The following TTC17 variants were observed in gnomAD, a reference collection of about 807,000 sequenced individuals.
TTC17 encodes tetratricopeptide repeat protein 17.
Under a neutral mutation model 143.8 loss-of-function variants are expected in TTC17, and 58 were observed. The ratio of observed to expected loss-of-function variants is 0.40; its 90% CI spans 0.33 to 0.50. TTC17 has a LOEUF of 0.50. TTC17 is among the 20% of genes least tolerant of loss of function. The pLI, the probability that TTC17 is intolerant of heterozygous loss-of-function variation, is 0.49. For missense variants in TTC17, 1,273 were observed against 1,392.5 expected (o/e 0.91, Z 1.37); for synonymous variants, 501 against 497.8 (o/e 1.01, Z -0.09).
chr11:43,447,884 C>T (rs1947578670), intron 18 of TTC17, 118 bp from the exon 19 acceptor site: 1 of 1,276,670 alleles, frequency 7.8e-7, no homozygotes, highest in South Asian at 1.5e-5. Context: ...TTAAAGACTA[C>T]AGGAATGACT....
intron 21 of TTC17, chr11:43,466,486 C>T (rs17594798): frequency 0.036 from 6,114 of 171,586 alleles, 400 homozygotes; most frequent in Admixed American, 0.18. Context: ...TTTCCAAAGA[C>T]AGGAGAAAAC....
intron 1 of TTC17, among the ~76,000 whole-genome samples, chr11:43,375,794 A>C (rs1377752870): frequency 6.6e-6 from 1 of 152,236 alleles, no homozygotes; most frequent in Non-Finnish European, 1.5e-5. Context: ...GTAGGACATC[A>C]AAAATGTTTA....
Position 43,488,042 on chromosome 11 carries a change from T to C in TTC17, c.3031-2197T>C, listed in dbSNP as rs557465626. 4.6e-4 allele frequency among the ~76,000 whole-genome samples: 70 copies of C among 152,338 alleles called. 1 individual carries two copies. Among genetic ancestry groups the C allele is most frequent in the South Asian group, 2.1e-4 (1 of 4,828 alleles). On this transcript the variant is annotated intron_variant, in intron 21 of 23. Coordinates refer to ENST00000039989, the MANE Select transcript of TTC17 (RefSeq NM_018259.6). ...TACAGGGGATTGGGACTTAAAAATA[T>C]GAATTTTGGGGGAACATAGTTCAAC...
chr11:43,427,689 T>G (rs928713419), intron 16 of TTC17, among the ~76,000 whole-genome samples: 2 of 152,162 alleles, frequency 1.3e-5, no homozygotes, highest in East Asian at 3.8e-4. Context: ...ATCAGACAAT[T>G]TAACTGTGCC....
At chr11:43,461,292 G>C (rs770592457) in intron 21 of TTC17, among the ~76,000 whole-genome samples, 23 of 150,384 alleles carry the variant, frequency 1.5e-4, no homozygotes, top group Middle Eastern at 3.4e-3. Context: ...GCTGAGGCAG[G>C]AGAATGGCGT....
intron 21 of TTC17, among the ~76,000 whole-genome samples, chr11:43,485,886 T>C (rs538603704): frequency 8.2e-6 from 1 of 121,384 alleles, no homozygotes; most frequent in Non-Finnish European, 2.0e-5. Flanking sequence ...GTTTTTTGTT[T>C]TTTTTTTTTT....
intron 8 of TTC17, 87 bp from the exon 9 acceptor site, chr11:43,399,801 A>G: frequency 7.2e-7 from 1 of 1,382,570 alleles, no homozygotes; most frequent in Non-Finnish European, 9.8e-7. Flanking sequence ...ATTGTTGCTG[A>G]GAACCAGAAA....
intron 16 of TTC17, among the ~76,000 whole-genome samples, chr11:43,434,074 A>G (rs1445587187): frequency 1.3e-5 from 2 of 152,062 alleles, no homozygotes; most frequent in African/African-American, 4.8e-5. Flanking sequence ...GTGGAGGCAA[A>G]TTAACAACCT....
chr11:43,448,190 AT>A, intron 19 of TTC17, 68 bp downstream of exon 19: 1 of 1,588,462 alleles, frequency 6.3e-7, no homozygotes, highest in Non-Finnish European at 8.6e-7. Context: ...GACTTTAAGG[AT>A]CCCCTCTTAG....
chr11:43,422,760 C>G (rs1946936611), intron 16 of TTC17, among the ~76,000 whole-genome samples: 1 of 151,992 alleles, frequency 6.6e-6, no homozygotes, highest in Admixed American at 6.6e-5. Context: ...TGTTGGTAAT[C>G]TTGTAAAAGC....
chr11:43,481,445 G>T (rs11606175), intron 21 of TTC17, among the ~76,000 whole-genome samples: 14,073 of 152,156 alleles, frequency 0.092, 802 homozygotes, highest in Middle Eastern at 0.16. Context: ...TTAGTTTTCT[G>T]AAAAAGTCTG....
chr11:43,398,633 C>T (rs1347790238), intron 8 of TTC17, among the ~76,000 whole-genome samples: 3 of 152,072 alleles, frequency 2.0e-5, no homozygotes, highest in Admixed American at 1.3e-4. Flanking sequence ...TTAGGTTGTA[C>T]AGTAATGGAA....
At chr11:43,386,169 CAA>C (rs768438986) in intron 2 of TTC17, among the ~76,000 whole-genome samples, 1 of 109,890 alleles carries the variant, frequency 9.1e-6, no homozygotes. Flanking sequence ...TTTCAATGTA[CAA>C]AAAAAAAAAA....
intron 16 of TTC17, among the ~76,000 whole-genome samples, chr11:43,438,597 C>T (rs892415048): frequency 3.9e-5 from 6 of 152,170 alleles, no homozygotes; most frequent in African/African-American, 1.4e-4. Context: ...ATCTTAAGTA[C>T]TCTGGCACCC....
chr11:43,391,758 C>A (rs574873516), intron 4 of TTC17, 63 bp from the exon 5 acceptor site: 2 of 1,570,492 alleles, frequency 1.3e-6, no homozygotes, highest in African/African-American at 2.8e-5. Context: ...CTACAAGATA[C>A]TGAATTATTT....
At chr11:43,469,501 T>C (rs1319125786) in intron 21 of TTC17, among the ~76,000 whole-genome samples, 4 of 152,226 alleles carry the variant, frequency 2.6e-5, no homozygotes, top group Non-Finnish European at 5.9e-5. Context: ...TAAACAGTGG[T>C]CTATTGAGAT....
At chr11:43,385,476 G>T (rs1039311057) in intron 2 of TTC17, 7 of 152,030 alleles carry the variant, frequency 4.6e-5, no homozygotes, top group African/African-American at 1.7e-4. Flanking sequence ...ATCACCCATG[G>T]TTTAAAGAGA....
intron 2 of TTC17, among the ~76,000 whole-genome samples, chr11:43,386,719 G>C (rs182528096): frequency 2.5e-3 from 379 of 152,298 alleles, no homozygotes; most frequent in Non-Finnish European, 4.1e-3. Flanking sequence ...CATAGAGGAT[G>C]AGTTTATAGA....
chr11:43,370,005 A>G (rs760549927), intron 1 of TTC17: 9 of 442,274 alleles, frequency 2.0e-5, no homozygotes, highest in Non-Finnish European at 3.1e-5. Context: ...GTTCATTATA[A>G]TAGTTTTCTC....
Sources: gnomAD v4.1 joint callset for allele counts (sites outside exome capture counted in the v4.1 genomes callset) on GRCh38, gnomAD v4.1.1 for gene constraint, MANE v1.5 for transcripts, NCBI Gene and HGNC (gene_info 2026-07-23, HGNC 2026-07-21) for gene names.